XKR9: variants seen among roughly 807,000 people sequenced by gnomAD.
XKR9 encodes XK-related protein 9.
In XKR9, 32 loss-of-function variants were observed where a neutral mutation model predicts 32.0. The observed-to-expected ratio is 1.00, with a 90% confidence interval of 0.76 to 1.34. XKR9 has a LOEUF of 1.34. Ranked by LOEUF, XKR9 falls within the 40% of genes most tolerant of loss-of-function variation. The pLI is 0.00. For synonymous variants in XKR9, 168 were observed against 143.4 expected, an observed-to-expected ratio of 1.17 and a Z score of -1.22; for missense variants, 546 against 429.7, an observed-to-expected ratio of 1.27 and a Z score of -2.39.
chr8:70,681,134 A>T lies in XKR9; in HGVS notation c.76A>T (p.Ile26Leu), dbSNP rs958700808. Residue 26 changes from isoleucine to leucine, a missense_variant, in exon 3 of 5, where the codon ATA (isoleucine) becomes TTA (leucine). Ile to Leu is a conservative substitution (Grantham distance 5, BLOSUM62 2). Coordinates refer to ENST00000408926, the MANE Select transcript of XKR9 (RefSeq NM_001011720.2). ...IIYVTDLIVD[I>L]WVSVRFFHEG... ...CTACGTAACTGATTTAATTGTGGACATATGGGTATCTGTCAGATTTTTCCA... is the reference window on the plus strand; with the variant it reads ...CTACGTAACTGATTTAATTGTGGACTTATGGGTATCTGTCAGATTTTTCCA... 1.9e-6 allele frequency: 3 copies of T among 1,613,434 alleles called. No individual in the cohort carries two copies. The highest frequency in any genetic ancestry group is 2.5e-6 in the Non-Finnish European group (3 of 1,179,592).
the XKR9 span, among the ~76,000 whole-genome samples, chr8:70,851,654 A>G: frequency 6.6e-6 from 1 of 152,222 alleles, no homozygotes; most frequent in Non-Finnish European, 1.5e-5. Context: ...CTGATCTTCA[A>G]GAAGCCTGAC....
the XKR9 span, among the ~76,000 whole-genome samples, chr8:71,055,976 T>C: frequency 6.6e-6 from 1 of 152,180 alleles, no homozygotes; most frequent in African/African-American, 2.4e-5. Context: ...ATTCTATTTT[T>C]TGGAGTTGCA....
the XKR9 span, among the ~76,000 whole-genome samples, chr8:70,809,551 G>T: frequency 1.3e-5 from 2 of 152,114 alleles, no homozygotes; most frequent in African/African-American, 4.8e-5. Flanking sequence ...CTTGAAAAAA[G>T]ATTAGACAAA....
the XKR9 span, among the ~76,000 whole-genome samples, chr8:71,058,067 A>G: frequency 7.5e-3 from 1,137 of 151,988 alleles, 18 homozygotes; most frequent in African/African-American, 0.025. Flanking sequence ...TGTAGTCCCA[A>G]CTACTCGAGA....
the XKR9 span, among the ~76,000 whole-genome samples, chr8:70,819,824 G>C: frequency 6.6e-6 from 1 of 152,132 alleles, no homozygotes; most frequent in African/African-American, 2.4e-5. Context: ...TTTGCAGACA[G>C]AACAGGTGTG....
chr8:70,899,694 T>A, the XKR9 span, among the ~76,000 whole-genome samples: 13 of 152,310 alleles, frequency 8.5e-5, no homozygotes, highest in East Asian at 2.3e-3. Flanking sequence ...GTACGCTTGC[T>A]CCTTTTGGCT....
At chr8:70,890,912 CAATT>C in the XKR9 span, among the ~76,000 whole-genome samples, 1 of 151,854 alleles carries the variant, frequency 6.6e-6, no homozygotes. Context: ...TGCAGCAGAT[CAATT>C]AGTTATTTGG....
chr8:70,814,086 A>G, the XKR9 span, among the ~76,000 whole-genome samples: 1 of 152,228 alleles, frequency 6.6e-6, no homozygotes, highest in Non-Finnish European at 1.5e-5. Flanking sequence ...AATGTGGCAC[A>G]TATACACCAT....
chr8:70,966,309 C>T, the XKR9 span, among the ~76,000 whole-genome samples: 7 of 151,820 alleles, frequency 4.6e-5, no homozygotes, highest in South Asian at 2.1e-4. Flanking sequence ...GGTTCAGTGG[C>T]GCAATTTCGG....
At chr8:70,912,752 G>C in the XKR9 span, among the ~76,000 whole-genome samples, 1 of 151,980 alleles carries the variant, frequency 6.6e-6, no homozygotes, top group Non-Finnish European at 1.5e-5. Flanking sequence ...GATGGGAAGA[G>C]AAAATGGGCT....
chr8:70,833,451 AT>A, the XKR9 span, among the ~76,000 whole-genome samples: 3 of 152,204 alleles, frequency 2.0e-5, no homozygotes, highest in South Asian at 6.2e-4. Context: ...CATTTTAAGT[AT>A]CAGAAATGAA....
intron 2 of XKR9, among the ~76,000 whole-genome samples, chr8:70,784,321 C>A (rs1010258294): frequency 2.0e-5 from 3 of 152,066 alleles, no homozygotes; most frequent in Non-Finnish European, 4.4e-5. Context: ...ACTATTAGTT[C>A]TTTCAATCCA....
the XKR9 span, among the ~76,000 whole-genome samples, chr8:70,878,431 A>G: frequency 6.6e-6 from 1 of 152,188 alleles, no homozygotes; most frequent in Non-Finnish European, 1.5e-5. Flanking sequence ...AAAGATGCAC[A>G]TAGGCTCAAA....
At chr8:70,965,356 T>A in the XKR9 span, among the ~76,000 whole-genome samples, 4 of 152,242 alleles carry the variant, frequency 2.6e-5, no homozygotes, top group Non-Finnish European at 4.4e-5. Context: ...TTGCCAGTAT[T>A]TTATTGAGGA....
the XKR9 span, among the ~76,000 whole-genome samples, chr8:71,029,586 C>G: frequency 1.3e-5 from 2 of 151,958 alleles, no homozygotes; most frequent in East Asian, 3.9e-4. Flanking sequence ...CAGAGTAAAT[C>G]TATTTTAAAA....
the XKR9 span, among the ~76,000 whole-genome samples, chr8:70,856,580 C>A: frequency 6.6e-6 from 1 of 152,128 alleles, no homozygotes; most frequent in East Asian, 1.9e-4. Flanking sequence ...AGAAAGTTAA[C>A]AAAGATATCC....
At chr8:70,854,212 C>A in the XKR9 span, among the ~76,000 whole-genome samples, 1 of 152,200 alleles carries the variant, frequency 6.6e-6, no homozygotes, top group East Asian at 1.9e-4. Flanking sequence ...TTTTAATGAT[C>A]GGCATTCTAA....
At chr8:70,964,827 A>G in the XKR9 span, among the ~76,000 whole-genome samples, 1 of 152,174 alleles carries the variant, frequency 6.6e-6, no homozygotes, top group African/African-American at 2.4e-5. Flanking sequence ...GAAGTTGCTT[A>G]TCATCTTAAG....
the XKR9 span, among the ~76,000 whole-genome samples, chr8:70,982,302 C>T: frequency 6.6e-6 from 1 of 152,104 alleles, no homozygotes; most frequent in African/African-American, 2.4e-5. Context: ...GAAAGACCAC[C>T]AGGTCGGGGC....
Sources: allele counts gnomAD v4.1 joint callset (sites outside exome capture counted in the v4.1 genomes callset), GRCh38; gene constraint gnomAD v4.1.1; transcripts MANE v1.5; gene names NCBI Gene and HGNC (gene_info 2026-07-23, HGNC 2026-07-21).